Variants in ZMAT4 observed in about 807,000 individuals in gnomAD.
ZMAT4 encodes zinc finger matrin-type protein 4.
In ZMAT4, 17 loss-of-function variants were observed where a neutral mutation model predicts 28.7. That is an observed-to-expected ratio of 0.59 (90% CI 0.41 to 0.89). ZMAT4 has a LOEUF of 0.89. ZMAT4 is among the 40% of genes least tolerant of loss of function. The pLI is 0.00. For missense variants in ZMAT4, 240 were observed against 283.8 expected (o/e 0.85, Z 1.11); for synonymous variants, 117 against 109.2 (o/e 1.07, Z -0.44).
At chr8:40,712,892 C>T (rs1043099638) in intron 3 of ZMAT4, among the ~76,000 whole-genome samples, 1 of 152,178 alleles carries the variant, frequency 6.6e-6, no homozygotes, top group Middle Eastern at 3.4e-3. Context: ...AATTAGCCAA[C>T]AGCAATAATG....
At chr8:40,698,319 C>T (rs1285311321) in intron 3 of ZMAT4, among the ~76,000 whole-genome samples, 1 of 152,114 alleles carries the variant, frequency 6.6e-6, no homozygotes, top group African/African-American at 2.4e-5. Flanking sequence ...CTTGGTCAGA[C>T]CATGTGACCT....
intron 5 of ZMAT4, among the ~76,000 whole-genome samples, chr8:40,601,509 G>GAAAGAAAGAA (rs781484684): frequency 4.7e-5 from 5 of 105,400 alleles, no homozygotes; most frequent in South Asian, 3.3e-4. Context: ...AAGAAAGAAA[G>GAAAGAAAGAA]AGAAAGAGAA....
intron 1 of ZMAT4, among the ~76,000 whole-genome samples, chr8:40,868,864 C>T (rs952919826): frequency 2.0e-5 from 3 of 152,236 alleles, no homozygotes; most frequent in African/African-American, 4.8e-5. Flanking sequence ...ATACTGCACA[C>T]CCCCGCCAGA....
intron 2 of ZMAT4, among the ~76,000 whole-genome samples, chr8:40,792,274 T>C (rs1047376494): frequency 6.6e-6 from 1 of 151,858 alleles, no homozygotes; most frequent in African/African-American, 2.4e-5. Flanking sequence ...ATTTCTTTTA[T>C]AAACTGACAA....
chr8:40,713,972 A>T (rs1204112097), intron 3 of ZMAT4, among the ~76,000 whole-genome samples: 3 of 151,592 alleles, frequency 2.0e-5, no homozygotes, highest in East Asian at 3.8e-4. Flanking sequence ...AAAGAAAAGA[A>T]ATATACATAT....
At chr8:40,758,566 G>T (rs1339211508) in intron 3 of ZMAT4, among the ~76,000 whole-genome samples, 2 of 152,116 alleles carry the variant, frequency 1.3e-5, no homozygotes, top group South Asian at 2.1e-4. Flanking sequence ...AAATGACAAT[G>T]TCTAATTTAA....
chr8:40,795,875 C>T (rs1356114859), intron 2 of ZMAT4, among the ~76,000 whole-genome samples: 1 of 152,214 alleles, frequency 6.6e-6, no homozygotes, highest in African/African-American at 2.4e-5. Context: ...CAGTTTTGGT[C>T]CCTTCCTGTT....
chr8:40,615,436 G>A (rs1017599101), intron 5 of ZMAT4, among the ~76,000 whole-genome samples: 1 of 152,084 alleles, frequency 6.6e-6, no homozygotes, highest in Non-Finnish European at 1.5e-5. Context: ...GTATCTTTGT[G>A]GCATTCTCCG....
chr8:40,611,526 G>A lies in ZMAT4; in HGVS notation c.578-30265C>T, dbSNP rs1482820448. ...AGGCTAATTTTTTGTATTTTTAGTA[G>A]AGATGGGGTTTCACTGTGTTAGCCA... On this transcript the variant is annotated intron_variant, in intron 5 of 6. Transcript: ENST00000297737. Among the ~76,000 whole-genome samples, 5 of 152,256 alleles carry A rather than the reference G, an allele frequency of 3.3e-5. No individual in the cohort carries two copies. The South Asian group carries it at 1.0e-3, about 32-fold the overall frequency.
intron 4 of ZMAT4, among the ~76,000 whole-genome samples, chr8:40,696,312 C>A (rs1173641801): frequency 6.6e-6 from 1 of 152,132 alleles, no homozygotes; most frequent in African/African-American, 2.4e-5. Context: ...AAAAGCCAAG[C>A]ATTGTTTTAG....
At chr8:40,568,440 T>TA (rs962014358) in intron 6 of ZMAT4, among the ~76,000 whole-genome samples, 1 of 152,156 alleles carries the variant, frequency 6.6e-6, no homozygotes, top group African/African-American at 2.4e-5. Flanking sequence ...ACTGGGGTTC[T>TA]AAACCCTGAG....
At chr8:40,532,823 C>A (rs1359126135) in intron 6 of ZMAT4, among the ~76,000 whole-genome samples, 1 of 151,936 alleles carries the variant, frequency 6.6e-6, no homozygotes, top group African/African-American at 2.4e-5. Flanking sequence ...TGGTGAAACC[C>A]CGTCTCTACT....
intron 1 of ZMAT4, among the ~76,000 whole-genome samples, chr8:40,856,828 G>A (rs904071331): frequency 6.6e-6 from 1 of 152,120 alleles, no homozygotes; most frequent in African/African-American, 2.4e-5. Context: ...TCAGTAGGTG[G>A]TTTCCAGCAT....
intron 5 of ZMAT4, among the ~76,000 whole-genome samples, chr8:40,640,634 G>C (rs200261338): frequency 7.6e-5 from 11 of 144,906 alleles, no homozygotes; most frequent in Non-Finnish European, 1.4e-4. Context: ...AAGAAAAAAA[G>C]GTTTTTGTCA....
intron 1 of ZMAT4, among the ~76,000 whole-genome samples, chr8:40,875,726 G>A (rs767281540): frequency 6.6e-6 from 1 of 152,170 alleles, no homozygotes; most frequent in African/African-American, 2.4e-5. Flanking sequence ...CCCCCAGGAA[G>A]TACAAGTTCT....
intron 3 of ZMAT4, among the ~76,000 whole-genome samples, chr8:40,720,523 C>CTTT (rs1307193398): frequency 9.7e-4 from 110 of 113,084 alleles, no homozygotes; most frequent in Middle Eastern, 5.6e-3. Flanking sequence ...TGGGTAGAAT[C>CTTT]TTTTTTTTTT....
At chr8:40,536,155 C>T (rs1490564195) in intron 6 of ZMAT4, among the ~76,000 whole-genome samples, 1 of 152,108 alleles carries the variant, frequency 6.6e-6, no homozygotes, top group African/African-American at 2.4e-5. Context: ...TGAACATTTC[C>T]TAATTTCTAT....
At chr8:40,541,108 A>T (rs1803014146) in intron 6 of ZMAT4, among the ~76,000 whole-genome samples, 1 of 152,250 alleles carries the variant, frequency 6.6e-6, no homozygotes, top group South Asian at 2.1e-4. Context: ...ATGAATTAAT[A>T]TATGGAAGTA....
At chr8:40,655,367 G>A (rs1807869770) in intron 5 of ZMAT4, among the ~76,000 whole-genome samples, 1 of 151,894 alleles carries the variant, frequency 6.6e-6, no homozygotes, top group South Asian at 2.1e-4. Flanking sequence ...TTGCTGAAAT[G>A]GCAATATTCC....
Sources: gnomAD v4.1 joint callset for allele counts (sites outside exome capture counted in the v4.1 genomes callset) on GRCh38, gnomAD v4.1.1 for gene constraint, MANE v1.5 for transcripts, NCBI Gene and HGNC (gene_info 2026-07-23, HGNC 2026-07-21) for gene names.